SETD7: variants seen among roughly 807,000 people sequenced by gnomAD.
SETD7 encodes the protein histone-lysine N-methyltransferase SETD7.
A neutral mutation model predicts 41.8 loss-of-function variants in SETD7; 16 were observed. That is an observed-to-expected ratio of 0.38 (90% CI 0.26 to 0.58). The LOEUF (loss-of-function observed/expected upper bound fraction) is 0.58. SETD7 is among the 20% of genes least tolerant of loss of function. The pLI is 0.64. For synonymous variants in SETD7, 163 were observed against 169.7 expected, an observed-to-expected ratio of 0.96 and a Z score of 0.31; for missense variants, 346 against 459.7, an observed-to-expected ratio of 0.75 and a Z score of 2.26.
At chr4:139,521,826 G>A (rs1199375289) in intron 5 of SETD7, among the ~76,000 whole-genome samples, 1 of 152,164 alleles carries the variant, frequency 6.6e-6, no homozygotes, top group Non-Finnish European at 1.5e-5. Context: ...AGAAGAATAT[G>A]CCCTAGGGGG....
In SETD7 at chr4:139,549,027, A is replaced by G. The variant is rs142654737; in HGVS notation, c.41-1978T>C. Among the ~76,000 whole-genome samples, 3 of 152,308 alleles carry G rather than the reference A, an allele frequency of 2.0e-5. No homozygotes were observed. The East Asian group carries it at 5.8e-4, about 29-fold the overall frequency. On this transcript the variant is annotated intron_variant, in intron 1 of 7. Transcript: ENST00000274031. Reference sequence around the variant, plus strand: ...TTAAATTTGCTTTTTTCTTTTCATTAAAAAAAGCCACTCAGTGTATTGCTA... The same window carrying G: ...TTAAATTTGCTTTTTTCTTTTCATTGAAAAAAGCCACTCAGTGTATTGCTA...
At chr4:139,523,973 A>G (rs1384450401) in intron 4 of SETD7, among the ~76,000 whole-genome samples, 1 of 152,174 alleles carries the variant, frequency 6.6e-6, no homozygotes, top group Non-Finnish European at 1.5e-5. Flanking sequence ...TTAGTAATTT[A>G]CTCTAGAAAT....
rs2111120831 is a variant in SETD7, at chr4:139,511,235, A to AACCCTT, written c.*422_*427dup. 5.4e-6 allele frequency: 1 copy of AACCCTT among 184,414 alleles called. No individual in the cohort carries two copies. The highest frequency in any genetic ancestry group is 1.9e-4 in the East Asian group (1 of 5,372). 11.4% of individuals were successfully genotyped at this position (184,414 alleles called of 1,614,324 possible). A position where few individuals can be genotyped will look rare whatever the true frequency, so the allele number is the denominator to read the frequency against. ...AGAGAATAAAGATGTAGTAATTGTCAACCCTTAATACGGCACATATGCAAG... is the reference window on the plus strand; with the variant it reads ...AGAGAATAAAGATGTAGTAATTGTCAACCCTTACCCTTAATACGGCACATATGCAAG... On this transcript the variant is annotated 3_prime_UTR_variant, in exon 8 of 8. Transcript: ENST00000274031.
chr4:139,504,835 T>C (rs573583626), downstream of SETD7, among the ~76,000 whole-genome samples: 3 of 152,296 alleles, frequency 2.0e-5, no homozygotes, highest in Admixed American at 6.5e-5. Context: ...CCCATGAAAG[T>C]TGCCCAATCT....
chr4:139,535,090 T>C (rs1279380884), intron 2 of SETD7, among the ~76,000 whole-genome samples: 1 of 152,050 alleles, frequency 6.6e-6, no homozygotes, highest in East Asian at 1.9e-4. Flanking sequence ...AACAGTGAGG[T>C]TGGAAGTAAT....
rs574656651 is a variant in SETD7 at position 139,518,180 on chromosome 4, C to A, written c.763-138G>T. ...TCTCACTCTGTCACCTAGGCTGGAG[C>A]GCAAGTAGCGTGATCTTGGCTCACC... On this transcript the variant is annotated intron_variant, in intron 6 of 7. Coordinates refer to ENST00000274031, the MANE Select transcript of SETD7 (RefSeq NM_030648.4). The A allele has an allele frequency of 2.9e-5, 26 of 898,018 alleles. No homozygotes were observed. The East Asian group carries it at 6.1e-4, about 21-fold the overall frequency. 55.6% of individuals were successfully genotyped at this position (898,018 alleles called of 1,614,324 possible).
rs143060949 is a variant in SETD7, at chr4:139,515,861, G to A, written c.920+2024C>T. On this transcript the variant is annotated intron_variant, in intron 7 of 7. Coordinates refer to ENST00000274031, the MANE Select transcript of SETD7 (RefSeq NM_030648.4). ...GCTTATGCTAACAAGCAAGATGACCGAGGGACTGCAAGCTATAACTGAACA... is the reference window on the plus strand; with the variant it reads ...GCTTATGCTAACAAGCAAGATGACCAAGGGACTGCAAGCTATAACTGAACA... Among the ~76,000 whole-genome samples the A allele has an allele frequency of 6.2e-4, 94 of 152,316 alleles. 1 individual carries two copies. Among genetic ancestry groups the A allele is most frequent in the African/African-American group, 1.9e-3 (80 of 41,580 alleles).
downstream of SETD7, among the ~76,000 whole-genome samples, chr4:139,501,197 C>T (rs977968407): frequency 6.6e-6 from 1 of 152,146 alleles, no homozygotes; most frequent in Non-Finnish European, 1.5e-5. Context: ...TCCACAAAGG[C>T]AAGGATTTTG....
chr4:139,532,330 T>C (rs1370949321), intron 3 of SETD7, among the ~76,000 whole-genome samples: 1 of 152,040 alleles, frequency 6.6e-6, no homozygotes, highest in Non-Finnish European at 1.5e-5. Flanking sequence ...TCCCAGCTAC[T>C]AAGGAGGCTG....
rs939144595 is a variant in SETD7, at chr4:139,510,712, G to A, written c.*951C>T. ...AATGCACTGTGCCACAAGCCTGACC[G>A]CGCTATGTTATGTACATTTAATGTG... On this transcript the variant is annotated 3_prime_UTR_variant, in exon 8 of 8. Transcript: ENST00000274031. The A allele has an allele frequency of 7.9e-5, 12 of 152,256 alleles. No homozygotes were observed. Among genetic ancestry groups the A allele is most frequent in the Admixed American group, 2.6e-4 (4 of 15,236 alleles). The allele number at this position is 152,256 out of a possible 1,614,324, so 9.4% of individuals were successfully genotyped here. A position where few individuals can be genotyped will look rare whatever the true frequency, so the allele number is the denominator to read the frequency against.
chr4:139,544,452 C>T (rs1362227847), intron 2 of SETD7, among the ~76,000 whole-genome samples: 1 of 152,006 alleles, frequency 6.6e-6, no homozygotes, highest in South Asian at 2.1e-4. Flanking sequence ...TTGTTCATAT[C>T]GTGACACACC....
intron 4 of SETD7, among the ~76,000 whole-genome samples, chr4:139,527,260 T>C (rs1026530377): frequency 1.3e-5 from 2 of 152,206 alleles, no homozygotes; most frequent in Non-Finnish European, 2.9e-5. Flanking sequence ...AGTAAAAATA[T>C]GATATAATCT....
intron 6 of SETD7, among the ~76,000 whole-genome samples, chr4:139,518,728 T>A (rs1279197111): frequency 6.6e-6 from 1 of 152,184 alleles, no homozygotes; most frequent in Non-Finnish European, 1.5e-5. Flanking sequence ...GAATGTACTC[T>A]AGGCAAGTCC....
At chr4:139,521,255 G>A (rs543237994) in intron 5 of SETD7, among the ~76,000 whole-genome samples, 45 of 151,638 alleles carry the variant, frequency 3.0e-4, no homozygotes, top group Non-Finnish European at 5.2e-4. Flanking sequence ...GTGAAACCCC[G>A]TCTCTACTAA....
chr4:139,502,296 C>T (rs771093266), downstream of SETD7, among the ~76,000 whole-genome samples: 11 of 152,120 alleles, frequency 7.2e-5, no homozygotes, highest in South Asian at 1.9e-3. Flanking sequence ...CTAAGTTCTA[C>T]GGTATGCTAG....
At chr4:139,494,873 A>G (rs963716153), downstream of SETD7, among the ~76,000 whole-genome samples, 2 of 152,244 alleles carry the variant, frequency 1.3e-5, no homozygotes, top group African/African-American at 2.4e-5. Context: ...CTACAATATT[A>G]TCTTAAATGG....
chr4:139,547,553 T>C (rs1727999273), intron 1 of SETD7, among the ~76,000 whole-genome samples: 1 of 152,242 alleles, frequency 6.6e-6, no homozygotes, highest in Non-Finnish European at 1.5e-5. Flanking sequence ...TATGATTTTA[T>C]ACATCATTCT....
chr4:139,530,161 C>CT (rs1035152985), intron 3 of SETD7, among the ~76,000 whole-genome samples: 31 of 149,254 alleles, frequency 2.1e-4, no homozygotes, highest in East Asian at 7.8e-4. Context: ...TTCTTTCTTT[C>CT]TTTTTTTTTT....
In SETD7 at chr4:139,507,754, C is replaced by T. The variant is rs2111116050; in HGVS notation, c.*3909G>A. 6.6e-6 allele frequency: 1 copy of T among 152,620 alleles called. No homozygotes were observed. The highest frequency in any genetic ancestry group is 1.5e-5 in the Non-Finnish European group (1 of 68,012). 9.5% of individuals were successfully genotyped at this position (152,620 alleles called of 1,614,324 possible). A position where few individuals can be genotyped will look rare whatever the true frequency, so the allele number is the denominator to read the frequency against. ...AAAAGTGACAACGAGTTTCCAAATTCCTGAAGGGAAAGATAAAAGAAAAAC... is the reference window on the plus strand; with the variant it reads ...AAAAGTGACAACGAGTTTCCAAATTTCTGAAGGGAAAGATAAAAGAAAAAC... On this transcript the variant is annotated 3_prime_UTR_variant, in exon 8 of 8. Transcript: ENST00000274031.
Sources: gnomAD v4.1 joint callset for allele counts (sites outside exome capture counted in the v4.1 genomes callset) on GRCh38, gnomAD v4.1.1 for gene constraint, MANE v1.5 for transcripts, NCBI Gene and HGNC (gene_info 2026-07-23, HGNC 2026-07-21) for gene names.